GLT1D1: variants seen among roughly 807,000 people sequenced by gnomAD.
The protein encoded by GLT1D1 is glycosyltransferase 1 domain containing 1.
In GLT1D1, 21 loss-of-function variants were observed where a neutral mutation model predicts 28.7. That is an observed-to-expected ratio of 0.73 (90% CI 0.52 to 1.05). The LOEUF (loss-of-function observed/expected upper bound fraction) is 1.05. GLT1D1 is among the 50% of genes least tolerant of loss of function. GLT1D1 has a pLI of 0.00. For missense variants in GLT1D1, 343 were observed against 330.6 expected (o/e 1.04, Z -0.29); for synonymous variants, 147 against 124.8 (o/e 1.18, Z -1.19).
At chr12:128,913,087 C>A (rs914258886) in intron 4 of GLT1D1, among the ~76,000 whole-genome samples, 1 of 152,188 alleles carries the variant, frequency 6.6e-6, no homozygotes, top group Non-Finnish European at 1.5e-5. Context: ...AAATGCGGAG[C>A]TTCTGTTTCA....
intron 1 of GLT1D1, among the ~76,000 whole-genome samples, chr12:128,865,428 T>C (rs1956488786): frequency 6.6e-6 from 1 of 152,214 alleles, no homozygotes; most frequent in African/African-American, 2.4e-5. Context: ...GTAATGAACA[T>C]GTCTATCACC....
intron 2 of GLT1D1, among the ~76,000 whole-genome samples, chr12:128,883,355 G>T (rs1018714598): frequency 7.9e-5 from 12 of 151,270 alleles, no homozygotes; most frequent in Admixed American, 6.6e-4. Context: ...ACTTTGGGAG[G>T]CTGAGGCGGG....
At chr12:128,855,168 T>C (rs1054366311) in intron 1 of GLT1D1, among the ~76,000 whole-genome samples, 14 of 143,202 alleles carry the variant, frequency 9.8e-5, no homozygotes, top group African/African-American at 3.6e-4. Context: ...GTGAGCCAAT[T>C]GATCTGGGAT....
rs759917791 is a variant in GLT1D1 at position 128,927,169 on chromosome 12, A to G, written c.376-18157A>G. Reference sequence around the variant, plus strand: ...TGGGTCCTGAAGTAAGTTGATGTGCAGTAAACACTTATCTCATCTCTGTTT... The same window carrying G: ...TGGGTCCTGAAGTAAGTTGATGTGCGGTAAACACTTATCTCATCTCTGTTT... On this transcript the variant is annotated intron_variant, in intron 4 of 7. Coordinates refer to ENST00000281703, the MANE Select transcript of GLT1D1 (RefSeq NM_144669.3). The G allele has an allele frequency of 6.6e-7, 1 of 1,520,528 alleles. No individual in the cohort carries two copies. Among genetic ancestry groups the G allele is most frequent in the South Asian group, 1.2e-5 (1 of 83,756 alleles). The allele number at this position is 1,520,528 out of a possible 1,614,324, so 94.2% of individuals were successfully genotyped here.
intron 1 of GLT1D1, among the ~76,000 whole-genome samples, chr12:128,855,356 G>A (rs565135758): frequency 2.0e-4 from 30 of 152,080 alleles, no homozygotes; most frequent in African/African-American, 7.2e-4. Context: ...GAGCCCAGGA[G>A]TTAAAGACCA....
At chr12:128,947,545 A>G (rs1876258558) in intron 6 of GLT1D1, 87 bp downstream of exon 10, 3 of 1,480,172 alleles carry the variant, frequency 2.0e-6, no homozygotes, top group African/African-American at 2.8e-5. Flanking sequence ...GTCTTTGTCA[A>G]TAACATTCTG....
intron 4 of GLT1D1, among the ~76,000 whole-genome samples, chr12:128,934,921 T>A (rs929320177): frequency 4.8e-5 from 7 of 147,182 alleles, no homozygotes; most frequent in African/African-American, 1.5e-4. Context: ...GGGGTCCAGG[T>A]CAGGGTCCTG....
intron 4 of GLT1D1, among the ~76,000 whole-genome samples, chr12:128,908,222 T>C (rs1202509103): frequency 6.6e-6 from 1 of 152,184 alleles, no homozygotes. Context: ...TTGTGTTAAC[T>C]TCATCTCTAT....
At chr12:128,858,801 T>G (rs1452619008) in intron 1 of GLT1D1, among the ~76,000 whole-genome samples, 1 of 152,218 alleles carries the variant, frequency 6.6e-6, no homozygotes, top group Non-Finnish European at 1.5e-5. Flanking sequence ...CATTTATTGT[T>G]TCTAAGGGCA....
chr12:128,879,376 C>G (rs1304365955), intron 2 of GLT1D1, among the ~76,000 whole-genome samples: 1 of 83,878 alleles, frequency 1.2e-5, no homozygotes, highest in Non-Finnish European at 2.3e-5. Flanking sequence ...TTATTTTTTT[C>G]TTTTTCTTTC....
chr12:128,866,221 A>G (rs1956513083), intron 1 of GLT1D1, among the ~76,000 whole-genome samples: 2 of 146,554 alleles, frequency 1.4e-5, no homozygotes, highest in Admixed American at 1.3e-4. Flanking sequence ...GGTGCCTGCC[A>G]CCATGCGTGG....
At chr12:128,864,353 C>T (rs1470644542) in intron 1 of GLT1D1, among the ~76,000 whole-genome samples, 1 of 151,856 alleles carries the variant, frequency 6.6e-6, no homozygotes, top group Non-Finnish European at 1.5e-5. Context: ...CAGAGGGCCC[C>T]GGAAATCCAG....
chr12:128,891,958 C>T (rs753861174), intron 3 of GLT1D1, among the ~76,000 whole-genome samples: 4 of 152,026 alleles, frequency 2.6e-5, no homozygotes, highest in Non-Finnish European at 4.4e-5. Context: ...AGATGTGAGA[C>T]ATCAATCAAT....
rs532801349 is a variant in GLT1D1, at chr12:128,910,659, C to T, written c.375+11372C>T. 9.4e-5 allele frequency among the ~76,000 whole-genome samples: 14 copies of T among 148,776 alleles called. No homozygotes were observed. The East Asian group carries it at 1.2e-3, about 13-fold the overall frequency. On this transcript the variant is annotated intron_variant, in intron 4 of 7. Transcript: ENST00000281703. ...AGTTTAGGGCTCTGAACTGCAATTT[C>T]TAATTTCAATGGTCGCCTTTAGCCT...
chr12:128,978,511 TG>T (rs1422582951), intron 7 of GLT1D1, among the ~76,000 whole-genome samples: 1 of 152,124 alleles, frequency 6.6e-6, no homozygotes, highest in African/African-American at 2.4e-5. Context: ...CCTCAGAGGC[TG>T]GAGGGGGCAG....
intron 7 of GLT1D1, among the ~76,000 whole-genome samples, chr12:128,979,610 C>T (rs1456306361): frequency 6.6e-6 from 1 of 152,098 alleles, no homozygotes; most frequent in African/African-American, 2.4e-5. Flanking sequence ...AAAAATTAGC[C>T]AGATAAGGGG....
chr12:128,969,432 G>A (rs1711355), intron 7 of GLT1D1, among the ~76,000 whole-genome samples: 15,340 of 152,120 alleles, frequency 0.1, 1,622 homozygotes, highest in African/African-American at 0.27. Context: ...AGATGCCCCT[G>A]GATGCAGCCA....
intron 4 of GLT1D1, among the ~76,000 whole-genome samples, chr12:128,939,853 G>GCCC (rs1874989989): frequency 1.6e-5 from 1 of 61,964 alleles, no homozygotes; most frequent in Non-Finnish European, 3.3e-5. Context: ...CCCCACCGCC[G>GCCC]ATCCAATCAC....
intron 1 of GLT1D1, among the ~76,000 whole-genome samples, chr12:128,867,419 G>GAAAAAAA (rs1318656397): frequency 0.046 from 5,100 of 111,550 alleles, 152 homozygotes; most frequent in South Asian, 0.074. Flanking sequence ...AAAAAAAACA[G>GAAAAAAA]AAAAAAAAAA....
Sources: allele counts gnomAD v4.1 joint callset (sites outside exome capture counted in the v4.1 genomes callset), GRCh38; gene constraint gnomAD v4.1.1; transcripts MANE v1.5; gene names NCBI Gene and HGNC (gene_info 2026-07-23, HGNC 2026-07-21).